The following GBE1 variants were observed in gnomAD, a reference collection of about 807,000 sequenced individuals.
GBE1 encodes the protein 1,4-alpha-glucan-branching enzyme.
Under a neutral mutation model 88.8 loss-of-function variants are expected in GBE1, and 70 were observed. That is an observed-to-expected ratio of 0.79 (90% CI 0.65 to 0.96). GBE1 has a LOEUF of 0.96. Ranked by LOEUF, GBE1 falls within the 40% of genes least tolerant of loss-of-function variation. The pLI is 0.00. For missense variants in GBE1, 872 were observed against 871.0 expected, an observed-to-expected ratio of 1.00 and a Z score of -0.01; for synonymous variants, 284 against 300.1, an observed-to-expected ratio of 0.95 and a Z score of 0.56.
chr3:81,587,232 A>C (rs1703814736), intron 9 of GBE1, among the ~76,000 whole-genome samples: 2 of 152,322 alleles, frequency 1.3e-5, no homozygotes, highest in South Asian at 4.1e-4. Context: ...AATGGGTTTC[A>C]AAGATAGGTA....
intron 12 of GBE1, among the ~76,000 whole-genome samples, chr3:81,568,329 G>A (rs1282648298): frequency 6.6e-6 from 1 of 152,022 alleles, no homozygotes; most frequent in Non-Finnish European, 1.5e-5. Flanking sequence ...TGTATTTTTA[G>A]TAGAGACGGG....
chr3:81,755,310 G>T (rs75792164), intron 1 of GBE1, among the ~76,000 whole-genome samples: 3,282 of 151,982 alleles, frequency 0.022, 67 homozygotes, highest in Non-Finnish European at 0.034. Flanking sequence ...CAAAAACATG[G>T]GCAGTAACAG....
At chr3:81,521,850 T>A (rs1010810797) in intron 14 of GBE1, among the ~76,000 whole-genome samples, 1 of 151,554 alleles carries the variant, frequency 6.6e-6, no homozygotes, top group African/African-American at 2.4e-5. Context: ...AATACTAGGA[T>A]ACAAAAGAAA....
At chr3:81,494,201 A>G (rs963167006) in intron 15 of GBE1, among the ~76,000 whole-genome samples, 7 of 152,154 alleles carry the variant, frequency 4.6e-5, no homozygotes, top group African/African-American at 9.7e-5. Context: ...TTTCTTAACT[A>G]TGGCTATTTA....
chr3:81,508,684 G>C (rs1240019695), intron 14 of GBE1, among the ~76,000 whole-genome samples: 3 of 152,054 alleles, frequency 2.0e-5, no homozygotes, highest in Non-Finnish European at 2.9e-5. Context: ...ATTGGAAACG[G>C]GGACGTCTCT....
chr3:81,697,539 A>G (rs1373277464), intron 2 of GBE1, among the ~76,000 whole-genome samples: 1 of 152,038 alleles, frequency 6.6e-6, no homozygotes, highest in Non-Finnish European at 1.5e-5. Context: ...TGACCTCGTG[A>G]TCCGCTGGCC....
intron 1 of GBE1, among the ~76,000 whole-genome samples, chr3:81,730,551 G>C (rs982352603): frequency 6.6e-6 from 1 of 152,162 alleles, no homozygotes; most frequent in Non-Finnish European, 1.5e-5. Flanking sequence ...TAACACTACT[G>C]TGTGGCCATT....
At chr3:81,665,523 G>A (rs1705102766) in intron 3 of GBE1, among the ~76,000 whole-genome samples, 3 of 142,706 alleles carry the variant, frequency 2.1e-5, no homozygotes, top group Admixed American at 1.4e-4. Context: ...GGGACACAGC[G>A]AGACTCCGTC....
chr3:81,528,501 C>T (rs1400291442), intron 14 of GBE1, among the ~76,000 whole-genome samples: 1 of 152,026 alleles, frequency 6.6e-6, no homozygotes, highest in Non-Finnish European at 1.5e-5. Flanking sequence ...TGCATTTGGT[C>T]TATAGCACAG....
intron 7 of GBE1, among the ~76,000 whole-genome samples, chr3:81,597,413 T>A (rs926945441): frequency 8.7e-5 from 13 of 149,196 alleles, no homozygotes; most frequent in African/African-American, 3.2e-4. Context: ...AACTTTTAGA[T>A]GGTGATGTCA....
chr3:81,750,425 T>C (rs1311458365), intron 1 of GBE1, among the ~76,000 whole-genome samples: 1 of 149,098 alleles, frequency 6.7e-6, no homozygotes, highest in Non-Finnish European at 1.5e-5. Context: ...ACAAATTTTC[T>C]ATTCTCCAAA....
At chr3:81,609,612 C>A (rs923144767) in intron 7 of GBE1, among the ~76,000 whole-genome samples, 1 of 151,022 alleles carries the variant, frequency 6.6e-6, no homozygotes, top group African/African-American at 2.4e-5. Flanking sequence ...TGTTATTTTG[C>A]TTGTTATTGA....
intron 2 of GBE1, among the ~76,000 whole-genome samples, chr3:81,682,515 C>T (rs1436718858): frequency 2.0e-5 from 3 of 151,852 alleles, no homozygotes; most frequent in Non-Finnish European, 4.4e-5. Context: ...AAAGGGTATT[C>T]AACATTATTA....
intron 1 of GBE1, among the ~76,000 whole-genome samples, chr3:81,718,817 T>C (rs1218904637): frequency 6.6e-6 from 1 of 152,000 alleles, no homozygotes; most frequent in Non-Finnish European, 1.5e-5. Flanking sequence ...TGTATTTTTG[T>C]AGAGACGAGA....
intron 3 of GBE1, among the ~76,000 whole-genome samples, chr3:81,651,895 A>G (rs944119969): frequency 2.0e-4 from 31 of 152,314 alleles, no homozygotes; most frequent in African/African-American, 7.2e-4. Flanking sequence ...TTGGAACACT[A>G]ATCCATTCAT....
At chr3:81,759,354 A>G (rs1195488427) in intron 1 of GBE1, among the ~76,000 whole-genome samples, 1 of 152,152 alleles carries the variant, frequency 6.6e-6, no homozygotes, top group Admixed American at 6.6e-5. Flanking sequence ...TTGTACCTCA[A>G]ATTTTCTTCA....
chr3:81,543,967 C>T (rs1054566414), intron 12 of GBE1, among the ~76,000 whole-genome samples: 1 of 152,042 alleles, frequency 6.6e-6, no homozygotes, highest in East Asian at 1.9e-4. Context: ...CAACTTGGGG[C>T]TCATGCATTT....
At chr3:81,515,004 A>AG (rs1486282065) in intron 14 of GBE1, among the ~76,000 whole-genome samples, 1 of 151,406 alleles carries the variant, frequency 6.6e-6, no homozygotes, top group African/African-American at 2.4e-5. Context: ...TTTTTTAAAT[A>AG]GAAAAAAAAA....
chr3:81,549,234 T>C (rs80025616), intron 12 of GBE1, among the ~76,000 whole-genome samples: 30,937 of 150,794 alleles, frequency 0.21, 4,002 homozygotes, highest in East Asian at 0.41. Flanking sequence ...TTCACCTTCT[T>C]GGCCAGGCTG....
Sources: gnomAD v4.1 joint callset for allele counts (sites outside exome capture counted in the v4.1 genomes callset) on GRCh38, gnomAD v4.1.1 for gene constraint, MANE v1.5 for transcripts, NCBI Gene and HGNC (gene_info 2026-07-23, HGNC 2026-07-21) for gene names.